The following TREM2 variants were observed in gnomAD, a reference collection of about 807,000 sequenced individuals.
TREM2 encodes triggering receptor expressed on myeloid cells 2, also known as triggering receptor expressed on monocytes 2.
In TREM2, 20 loss-of-function variants were observed where a neutral mutation model predicts 22.9. That is an observed-to-expected ratio of 0.87 (90% CI 0.61 to 1.27). The LOEUF (loss-of-function observed/expected upper bound fraction) is 1.27, where lower values mean the gene tolerates loss of function less well. Ranked by LOEUF, TREM2 falls within the 50% of genes most tolerant of loss-of-function variation. TREM2 has a pLI of 0.00. For synonymous variants in TREM2, 111 were observed against 120.9 expected (o/e 0.92, Z 0.54); for missense variants, 267 against 289.0 (o/e 0.92, Z 0.55).
At chr6:41,159,917 T>C in intron 2 of TREM2, 35 bp from the exon 3 acceptor site, 2 of 1,575,968 alleles carry the variant, frequency 1.3e-6, no homozygotes, top group South Asian at 1.1e-5. Flanking sequence ...TCCAGCCCCT[T>C]CCTCCTCGAG....
Position 41,159,886 on chromosome 6 carries a change from T to C in TREM2, c.392-4A>G, listed in dbSNP as rs773545966. The stretch of plus-strand genomic sequence containing the variant: ...GCATCCCGGTGATCCAGGGGGTCTA[T>C]GGGAGGCAGAGCCATGAGCCTCCAG... On this transcript the variant is annotated splice_region_variant and splice_polypyrimidine_tract_variant and intron_variant, in intron 2 of 4. Transcript: ENST00000373113. 4 of 1,613,338 alleles carry C rather than the reference T, an allele frequency of 2.5e-6. No individual in the cohort carries two copies. The highest frequency in any genetic ancestry group is 3.3e-5 in the Admixed American group (2 of 59,982).
chr6:41,159,200 CT>C, intron 3 of TREM2, 134 bp from the exon 4 acceptor site: 1 of 1,077,064 alleles, frequency 9.3e-7, no homozygotes, highest in Non-Finnish European at 1.4e-6. Flanking sequence ...TGGGATGGGC[CT>C]TTTTGGAGCT....
At position 41,161,389 on chromosome 6, in the gene TREM2, G is replaced by C; in HGVS notation, c.265C>G (p.Leu89Val). 1 of 1,614,260 alleles carries C rather than the reference G, an allele frequency of 6.2e-7. No individual in the cohort carries two copies. Among genetic ancestry groups the C allele is most frequent in the Non-Finnish European group, 8.5e-7 (1 of 1,180,044 alleles). ...AGCGTAATGGTGAGAGTGCCACCCAGGGTATCGTCTGTGATGGCTGTGCTC... is the reference window on the plus strand; with the variant it reads ...AGCGTAATGGTGAGAGTGCCACCCACGGTATCGTCTGTGATGGCTGTGCTC... The part of the protein sequence containing the change: ...NGSTAITDDT[L>V]GGTLTITLRN... The change falls in exon 2 of 5, where the codon CTG (leucine) becomes GTG (valine). Residue 89 changes from leucine to valine, a missense_variant. Coordinates refer to ENST00000373113, the MANE Select transcript of TREM2 (RefSeq NM_018965.4).
chr6:41,159,113 A>G (rs763374845), intron 3 of TREM2, 47 bp from the exon 4 acceptor site: 6 of 1,577,404 alleles, frequency 3.8e-6, no homozygotes, highest in Admixed American at 3.7e-5. Flanking sequence ...TGGCCTACAG[A>G]TTAGAATCTT....
Position 41,160,572 on chromosome 6 carries a change from G to C in TREM2, c.392-690C>G, listed in dbSNP as rs1370405829. On this transcript the variant is annotated intron_variant, in intron 2 of 4. Transcript: ENST00000373113. ...GCGCAGAGCTCGGGGGTGGAAAGGA[G>C]ACACCCTGGCCCACCTACTCACACC... 2.0e-5 allele frequency among the ~76,000 whole-genome samples: 3 copies of C among 152,192 alleles called. No individual in the cohort carries two copies. The East Asian group carries it at 5.8e-4, about 29-fold the overall frequency.
chr6:41,162,895 G>A, intron 1 of TREM2, 148 bp downstream of exon 1: 1 of 969,196 alleles, frequency 1.0e-6, no homozygotes, highest in Non-Finnish European at 1.6e-6. Flanking sequence ...TGGGCAGGGT[G>A]GGGAGGAGAG....
rs996681111 is a variant in TREM2, at chr6:41,162,934, G to A, written c.40+109C>T. The stretch of plus-strand genomic sequence containing the variant: ...TGCAGAACAGGGCACTCAGGCATGC[G>A]AGGACTGCCACCGCCTTCATAATTC... On this transcript the variant is annotated intron_variant, in intron 1 of 4. Coordinates refer to ENST00000373113, the MANE Select transcript of TREM2 (RefSeq NM_018965.4). The A allele has an allele frequency of 6.9e-6, 10 of 1,455,588 alleles. No individual in the cohort carries two copies. In the East Asian group the frequency reaches 9.2e-5, roughly 13 times the overall value. The allele number at this position is 1,455,588 out of a possible 1,614,324, so 90.2% of individuals were successfully genotyped here.
At chr6:41,162,209 CT>C (rs1765584821) in intron 1 of TREM2, among the ~76,000 whole-genome samples, 1 of 152,232 alleles carries the variant, frequency 6.6e-6, no homozygotes, top group Non-Finnish European at 1.5e-5. Flanking sequence ...TTTGACTTCT[CT>C]CTTGGTCCTC....
At position 41,162,659 on chromosome 6, in the gene TREM2, A is replaced by G. The variant is rs1765597784; in HGVS notation, c.40+384T>C. On this transcript the variant is annotated intron_variant, in intron 1 of 4. Transcript: ENST00000373113. ...ACATCCTCAGGTTCTTTCCTCCTTT[A>G]TAACTGTAGGGGCTCATAATTAGTG... Among the ~76,000 whole-genome samples, 3 of 152,162 alleles carry G rather than the reference A, an allele frequency of 2.0e-5. No individual in the cohort carries two copies. In the South Asian group the frequency reaches 6.2e-4, roughly 32 times the overall value.
chr6:41,159,937 G>A, intron 2 of TREM2, 55 bp from the exon 3 acceptor site: 1 of 1,507,448 alleles, frequency 6.6e-7, no homozygotes, highest in South Asian at 1.1e-5. Flanking sequence ...GGCAGGGGGA[G>A]AACCTTGGCG....
intron 2 of TREM2, among the ~76,000 whole-genome samples, chr6:41,160,154 C>A (rs761791425): frequency 1.6e-4 from 24 of 152,196 alleles, no homozygotes; most frequent in Non-Finnish European, 3.2e-4. Flanking sequence ...ATGCCCCCCT[C>A]CTTCCGCACA....
At chr6:41,160,565 G>C (rs1765536378) in intron 2 of TREM2, among the ~76,000 whole-genome samples, 1 of 152,032 alleles carries the variant, frequency 6.6e-6, no homozygotes, top group Non-Finnish European at 1.5e-5. Context: ...CTCGGGGGTG[G>C]AAAGGAGACA....
chr6:41,163,019 C>T, intron 1 of TREM2, 24 bp downstream of exon 1: 1 of 1,614,098 alleles, frequency 6.2e-7, no homozygotes, highest in Non-Finnish European at 8.5e-7. Context: ...GAGAAGGCAT[C>T]ACAGGGCACG....
chr6:41,163,105 C>A lies in TREM2; in HGVS notation c.-23G>T. On this transcript the variant is annotated 5_prime_UTR_variant, in exon 1 of 5. Transcript: ENST00000373113. ...CATGCCACCCTTCCCCAGCCAAGGG[C>A]AGAAGCAGAGTGCCTTGTGCAAGAT... The A allele has an allele frequency of 6.2e-7, 1 of 1,613,858 alleles. No homozygotes were observed. Among genetic ancestry groups the A allele is most frequent in the Non-Finnish European group, 8.5e-7 (1 of 1,179,876 alleles).
chr6:41,163,089 C>G lies in TREM2; in HGVS notation c.-7G>C, dbSNP rs781097697. ...GCAGCCGGAGAGGCTCCATGCCACC[C>G]TTCCCCAGCCAAGGGCAGAAGCAGA... On this transcript the variant is annotated 5_prime_UTR_variant, in exon 1 of 5. Coordinates refer to ENST00000373113, the MANE Select transcript of TREM2 (RefSeq NM_018965.4). The G allele has an allele frequency of 6.2e-7, 1 of 1,614,106 alleles. No individual in the cohort carries two copies. Among genetic ancestry groups the G allele is most frequent in the Non-Finnish European group, 8.5e-7 (1 of 1,179,980 alleles).
chr6:41,159,178 C>A (rs1291676023), intron 3 of TREM2, 112 bp from the exon 4 acceptor site: 2 of 1,346,968 alleles, frequency 1.5e-6, no homozygotes. Flanking sequence ...AAATCCCACC[C>A]AGCACCATCC....
In TREM2 at chr6:41,161,534, G is replaced by A; in HGVS notation, c.120C>T (p.Ser40=). The A allele has an allele frequency of 6.2e-7, 1 of 1,614,172 alleles. No homozygotes were observed. The highest frequency in any genetic ancestry group is 8.5e-7 in the Non-Finnish European group (1 of 1,180,022). Residue 40 remains serine, a synonymous_variant, in exon 2 of 5, where the codon TCC becomes TCT. Coordinates refer to ENST00000373113, the MANE Select transcript of TREM2 (RefSeq NM_018965.4). ...CCTTGCGCCTCCCCCAGTGCTTCAT[G>A]GAGTCATAGGGGCAAGACACCTGCA... ...QSLQVSCPYD[S]MKHWGRRKAW... is the part of the protein sequence containing the mutation.
Position 41,160,161 on chromosome 6 carries a change from C to CA in TREM2, c.392-280dup, listed in dbSNP as rs1765526614. ...TAACTGCAATGCCCCCCTCCTTCCG[C>CA]ACAGGGGCTAAGAAGAGCAAATACA... On this transcript the variant is annotated intron_variant, in intron 2 of 4. Coordinates refer to ENST00000373113, the MANE Select transcript of TREM2 (RefSeq NM_018965.4). Among the ~76,000 whole-genome samples, 3 of 152,316 alleles carry CA rather than the reference C, an allele frequency of 2.0e-5. No homozygotes were observed. The South Asian group carries it at 6.2e-4, about 32-fold the overall frequency.
At chr6:41,159,661 A>G in intron 3 of TREM2, 131 bp downstream of exon 3, 1 of 756,704 alleles carries the variant, frequency 1.3e-6, no homozygotes, top group South Asian at 1.5e-5. Flanking sequence ...TGTTTACATA[A>G]GAGATATCCA....
Sources: gnomAD v4.1 joint callset for allele counts (sites outside exome capture counted in the v4.1 genomes callset) on GRCh38, gnomAD v4.1.1 for gene constraint, MANE v1.5 for transcripts, NCBI Gene and HGNC (gene_info 2026-07-23, HGNC 2026-07-21) for gene names.